The following PRKCQ variants were observed in gnomAD, a reference collection of about 807,000 sequenced individuals.
PRKCQ encodes the protein protein kinase C theta type.
In PRKCQ, 41 loss-of-function variants were observed where a neutral mutation model predicts 91.2. The ratio of observed to expected loss-of-function variants is 0.45; its 90% CI spans 0.35 to 0.58. PRKCQ has a LOEUF of 0.58. Ranked by LOEUF, PRKCQ falls within the 20% of genes least tolerant of loss-of-function variation. PRKCQ has a pLI of 0.00. For missense variants in PRKCQ, 673 were observed against 896.5 expected (o/e 0.75, Z 3.18); for synonymous variants, 307 against 316.9 (o/e 0.97, Z 0.33).
chr10:6,451,231 A>T (rs966871473), intron 15 of PRKCQ, among the ~76,000 whole-genome samples: 2 of 149,724 alleles, frequency 1.3e-5, no homozygotes, highest in Admixed American at 6.7e-5. Flanking sequence ...ACAATAAAAA[A>T]TGATAAAGGG....
rs551357233 is a variant in PRKCQ, at chr10:6,499,626, T to C, written c.380-1068A>G. On this transcript the variant is annotated intron_variant, in intron 4 of 17. Coordinates refer to ENST00000263125, the MANE Select transcript of PRKCQ (RefSeq NM_006257.5). ...AAATCCCAGAGTTATAATTTTGTAA[T>C]AGCTTGAAGACTCTTGGATTACTTC... is the stretch of plus-strand genomic sequence containing the variant. 1.8e-4 allele frequency among the ~76,000 whole-genome samples: 28 copies of C among 152,364 alleles called. No individual in the cohort carries two copies. In the East Asian group the frequency reaches 5.4e-3, roughly 29 times the overall value.
chr10:6,561,154 T>C (rs948043683), intron 1 of PRKCQ, among the ~76,000 whole-genome samples: 14 of 152,038 alleles, frequency 9.2e-5, no homozygotes, highest in East Asian at 7.7e-4. Context: ...GCAGATTGCT[T>C]GAGTCCAAGG....
Position 6,539,336 on chromosome 10 carries a change from C to A in PRKCQ, c.-9-24192G>T, listed in dbSNP as rs1839694236. Among the ~76,000 whole-genome samples the A allele has an allele frequency of 7.2e-5, 11 of 152,236 alleles. No homozygotes were observed. In the South Asian group the frequency reaches 2.3e-3, roughly 32 times the overall value. On this transcript the variant is annotated intron_variant, in intron 1 of 17. Coordinates refer to ENST00000263125, the MANE Select transcript of PRKCQ (RefSeq NM_006257.5). ...GTGGTGGTCCGTGGCCTGTTAGGAACTGGGGTGCACAGCAGGCGGTGAGTG... is the reference window on the plus strand; with the variant it reads ...GTGGTGGTCCGTGGCCTGTTAGGAAATGGGGTGCACAGCAGGCGGTGAGTG...
At chr10:6,432,719 T>C (rs913656131) in intron 16 of PRKCQ, among the ~76,000 whole-genome samples, 1 of 152,154 alleles carries the variant, frequency 6.6e-6, no homozygotes, top group Non-Finnish European at 1.5e-5. Flanking sequence ...CCTCGGGTCC[T>C]CGGCTGGCAT....
At chr10:6,512,841 C>T (rs946566106) in intron 2 of PRKCQ, among the ~76,000 whole-genome samples, 9 of 151,886 alleles carry the variant, frequency 5.9e-5, no homozygotes, top group Admixed American at 2.6e-4. Context: ...GACTACTAAA[C>T]GTGGAATAGA....
chr10:6,432,325 G>A (rs1017203700), intron 16 of PRKCQ, among the ~76,000 whole-genome samples: 3 of 152,052 alleles, frequency 2.0e-5, no homozygotes, highest in African/African-American at 7.2e-5. Context: ...CAAAGGCTCC[G>A]TTCTACCAAA....
chr10:6,566,830 C>T (rs970897817), intron 1 of PRKCQ, among the ~76,000 whole-genome samples: 1 of 152,112 alleles, frequency 6.6e-6, no homozygotes, highest in Non-Finnish European at 1.5e-5. Flanking sequence ...GCCCGGAACA[C>T]TTCTCAGTCA....
At chr10:6,451,951 C>A in intron 15 of PRKCQ, among the ~76,000 whole-genome samples, 1 of 152,144 alleles carries the variant, frequency 6.6e-6, no homozygotes, top group African/African-American at 2.4e-5. Context: ...CTATCTATGA[C>A]AAACCCACAG....
chr10:6,461,538 T>C (rs1160836602), intron 14 of PRKCQ, among the ~76,000 whole-genome samples: 1 of 152,208 alleles, frequency 6.6e-6, no homozygotes, highest in Non-Finnish European at 1.5e-5. Flanking sequence ...TACTTACTTC[T>C]CAAACCTCCT....
At chr10:6,468,661 G>A (rs1324451663) in intron 12 of PRKCQ, among the ~76,000 whole-genome samples, 2 of 152,136 alleles carry the variant, frequency 1.3e-5, no homozygotes, top group African/African-American at 4.8e-5. Context: ...TTCTCCGAAG[G>A]CTAGTAAACC....
chr10:6,436,644 A>C (rs897022544), intron 16 of PRKCQ, among the ~76,000 whole-genome samples: 3 of 152,122 alleles, frequency 2.0e-5, no homozygotes, highest in African/African-American at 4.8e-5. Flanking sequence ...CACTTTAATG[A>C]AGTTATATCA....
chr10:6,471,263 A>G (rs1328292219), intron 12 of PRKCQ, among the ~76,000 whole-genome samples: 1 of 152,224 alleles, frequency 6.6e-6, no homozygotes, highest in Admixed American at 6.5e-5. Flanking sequence ...TGTATTATTT[A>G]CATAGACAAG....
intron 1 of PRKCQ, among the ~76,000 whole-genome samples, chr10:6,522,231 C>T (rs900151206): frequency 2.0e-5 from 3 of 152,154 alleles, no homozygotes; most frequent in Non-Finnish European, 4.4e-5. Flanking sequence ...AGTGAGCCAT[C>T]GCGCCCGGCC....
chr10:6,542,458 G>A (rs377007682), intron 1 of PRKCQ, among the ~76,000 whole-genome samples: 1 of 152,216 alleles, frequency 6.6e-6, no homozygotes, highest in Admixed American at 6.5e-5. Flanking sequence ...AAGAGCTGGT[G>A]GGAGAACATG....
rs185843810 is a variant in PRKCQ at position 6,484,454 on chromosome 10, G to C, written c.1018+698C>G. Among the ~76,000 whole-genome samples the C allele has an allele frequency of 1.4e-3, 207 of 152,202 alleles. 1 individual carries two copies. Among genetic ancestry groups the C allele is most frequent in the Non-Finnish European group, 2.5e-3 (172 of 67,990 alleles). On this transcript the variant is annotated intron_variant, in intron 10 of 17. Coordinates refer to ENST00000263125, the MANE Select transcript of PRKCQ (RefSeq NM_006257.5). Reference sequence around the variant, plus strand: ...AAAGATGCTGCCTATGTTGATCATTGCTAAGACATAGTCTCCTTGACTGCC... The same window carrying C: ...AAAGATGCTGCCTATGTTGATCATTCCTAAGACATAGTCTCCTTGACTGCC...
intron 16 of PRKCQ, among the ~76,000 whole-genome samples, chr10:6,433,317 T>G (rs756538545): frequency 4.6e-5 from 7 of 152,196 alleles, no homozygotes; most frequent in Non-Finnish European, 7.3e-5. Flanking sequence ...ACTGGAGAAT[T>G]AGCACATTGT....
intron 7 of PRKCQ, among the ~76,000 whole-genome samples, chr10:6,495,425 T>G (rs1260920422): frequency 6.6e-6 from 1 of 152,146 alleles, no homozygotes; most frequent in Non-Finnish European, 1.5e-5. Flanking sequence ...TGTAAGGAGC[T>G]TCCTTCCTCC....
chr10:6,528,812 TTC>T (rs926203920), intron 1 of PRKCQ, among the ~76,000 whole-genome samples: 2 of 152,234 alleles, frequency 1.3e-5, no homozygotes, highest in Admixed American at 1.3e-4. Flanking sequence ...TGTAGACTGT[TTC>T]TGTCTGCTCC....
intron 11 of PRKCQ, among the ~76,000 whole-genome samples, chr10:6,481,103 C>G (rs998270477): frequency 6.6e-6 from 1 of 152,206 alleles, no homozygotes; most frequent in Middle Eastern, 3.2e-3. Context: ...CTCCTCTCCT[C>G]TCCGTGTATA....
Sources: allele counts gnomAD v4.1 joint callset (sites outside exome capture counted in the v4.1 genomes callset), GRCh38; gene constraint gnomAD v4.1.1; transcripts MANE v1.5; gene names NCBI Gene and HGNC (gene_info 2026-07-23, HGNC 2026-07-21).